CRYBG1: variants seen among roughly 807,000 people sequenced by gnomAD.
CRYBG1 encodes the protein crystallin beta-gamma domain containing 1, also known as beta/gamma crystallin domain-containing protein 1.
In CRYBG1, 139 loss-of-function variants were observed where a neutral mutation model predicts 189.2. The ratio of observed to expected loss-of-function variants is 0.73; its 90% CI spans 0.64 to 0.85. The LOEUF is 0.85. Ranked by LOEUF, CRYBG1 falls within the 40% of genes least tolerant of loss-of-function variation. The probability of loss-of-function intolerance (pLI) is 0.00; values close to 1 mark genes in which losing one functional copy is unlikely to be tolerated. For missense variants in CRYBG1, 2,611 were observed against 2,675.8 expected, an observed-to-expected ratio of 0.98 and a Z score of 0.53; for synonymous variants, 1,023 against 1,017.1, an observed-to-expected ratio of 1.01 and a Z score of -0.11.
chr6:106,515,294 T>G (rs1222817364), intron 3 of CRYBG1, among the ~76,000 whole-genome samples: 1 of 152,254 alleles, frequency 6.6e-6, no homozygotes, highest in East Asian at 1.9e-4. Flanking sequence ...GCCTTCCTTT[T>G]AATCAGTCTG....
chr6:106,513,620 A>G (rs1230331841), intron 3 of CRYBG1, among the ~76,000 whole-genome samples: 1 of 152,218 alleles, frequency 6.6e-6, no homozygotes, highest in Non-Finnish European at 1.5e-5. Context: ...GTCTGGTGAT[A>G]CTTTTGGACC....
intron 2 of CRYBG1, among the ~76,000 whole-genome samples, chr6:106,504,092 T>C (rs1055224484): frequency 2.0e-5 from 3 of 149,498 alleles, no homozygotes; most frequent in African/African-American, 4.9e-5. Context: ...TGTTACATTA[T>C]GTTGAAATGA....
At position 106,480,598 on chromosome 6, in the gene CRYBG1, C is replaced by T. The variant is rs547748791; in HGVS notation, c.312+28766C>T. Among the ~76,000 whole-genome samples the T allele has an allele frequency of 1.0e-3, 156 of 151,688 alleles. 1 individual carries two copies. Among genetic ancestry groups the T allele is most frequent in the South Asian group, 4.0e-3 (19 of 4,796 alleles). On this transcript the variant is annotated intron_variant, in intron 2 of 21. Coordinates refer to ENST00000633556, the MANE Select transcript of CRYBG1 (RefSeq NM_001371242.2). ...AGGAGAATCACTTGAACCCGGGAGG[C>T]GGAGGTTGCAGTGAGCTGAGATCGC...
chr6:106,377,944 G>A (rs1029182384), intron 1 of CRYBG1, among the ~76,000 whole-genome samples: 2 of 152,126 alleles, frequency 1.3e-5, no homozygotes, highest in Non-Finnish European at 2.9e-5. Context: ...TACAAATTAG[G>A]TGACTTTTAA....
At chr6:106,514,099 G>A (rs1055295831) in intron 3 of CRYBG1, among the ~76,000 whole-genome samples, 4 of 152,200 alleles carry the variant, frequency 2.6e-5, no homozygotes, top group Non-Finnish European at 2.9e-5. Flanking sequence ...AAGTGCTAGC[G>A]AGCAAGAAAT....
chr6:106,395,212 T>C (rs1020204499), intron 1 of CRYBG1, among the ~76,000 whole-genome samples: 1 of 151,720 alleles, frequency 6.6e-6, no homozygotes, highest in Non-Finnish European at 1.5e-5. Flanking sequence ...CTGGGCAACA[T>C]GGTAAAACTC....
intron 4 of CRYBG1, among the ~76,000 whole-genome samples, chr6:106,522,486 T>C (rs1395479747): frequency 6.6e-6 from 1 of 152,226 alleles, no homozygotes; most frequent in African/African-American, 2.4e-5. Flanking sequence ...TTTATCTCAC[T>C]TCAGAAGATG....
At chr6:106,527,726 T>C (rs1773774883) in intron 7 of CRYBG1, among the ~76,000 whole-genome samples, 1 of 152,224 alleles carries the variant, frequency 6.6e-6, no homozygotes, top group Admixed American at 6.5e-5. Flanking sequence ...CCAAATATAT[T>C]TTACCTGGTA....
chr6:106,460,237 C>T lies in CRYBG1; in HGVS notation c.312+8405C>T, dbSNP rs904903216. On this transcript the variant is annotated intron_variant, in intron 2 of 21. Transcript: ENST00000633556. ...TGATCTCCTGACCTCGTGATCCGCC[C>T]GCCTCTGCCTCCCAAAGTGCTGGGA... 3.3e-5 allele frequency among the ~76,000 whole-genome samples: 5 copies of T among 152,062 alleles called. No homozygotes were observed. In the South Asian group the frequency reaches 6.3e-4, roughly 19 times the overall value.
intron 4 of CRYBG1, among the ~76,000 whole-genome samples, chr6:106,524,591 T>C (rs1773690892): frequency 6.6e-6 from 1 of 152,158 alleles, no homozygotes; most frequent in Non-Finnish European, 1.5e-5. Flanking sequence ...TTAAATATAC[T>C]ATGTGCAATG....
rs112168862 is a variant in CRYBG1, at chr6:106,547,981, T to A, written c.5312+3048T>A. 2.8e-3 allele frequency among the ~76,000 whole-genome samples: 425 copies of A among 152,350 alleles called. 3 individuals are homozygous for A. The highest frequency in any genetic ancestry group is 9.8e-3 in the African/African-American group (409 of 41,578). On this transcript the variant is annotated intron_variant, in intron 13 of 21. Transcript: ENST00000633556. ...AAATGAAATATTTCTGGTATTCAGATGAAAACGAAAAGTGTTGTTGTTTTA... is the reference window on the plus strand; with the variant it reads ...AAATGAAATATTTCTGGTATTCAGAAGAAAACGAAAAGTGTTGTTGTTTTA...
rs1034072094 is a variant in CRYBG1, at chr6:106,360,892, G to C, written c.-17G>C. Reference sequence around the variant, plus strand: ...AGGACCGCGTCCCGGCAGTCGGAGCGGGAGGAGGACAAGACGATGCCGCTG... The same window carrying C: ...AGGACCGCGTCCCGGCAGTCGGAGCCGGAGGAGGACAAGACGATGCCGCTG... On this transcript the variant is annotated 5_prime_UTR_variant, in exon 1 of 22. Coordinates refer to ENST00000633556, the MANE Select transcript of CRYBG1 (RefSeq NM_001371242.2). 22 of 1,520,570 alleles carry C rather than the reference G, an allele frequency of 1.4e-5. No homozygotes were observed. Among genetic ancestry groups the C allele is most frequent in the Non-Finnish European group, 1.8e-5 (21 of 1,138,942 alleles). The allele number at this position is 1,520,570 out of a possible 1,614,324, so 94.2% of individuals were successfully genotyped here.
At position 106,487,671 on chromosome 6, in the gene CRYBG1, ATATC is replaced by A. The variant is rs61706182; in HGVS notation, c.313-23753_313-23750del. Reference sequence around the variant, plus strand: ...GATTTCTGTTTGGTTCTTTTTTATGATATCTATCTTTTTGTTGAATTTCTCATAC... The same window carrying A: ...GATTTCTGTTTGGTTCTTTTTTATGATATCTTTTTGTTGAATTTCTCATAC... On this transcript the variant is annotated intron_variant, in intron 2 of 21. Transcript: ENST00000633556. Among the ~76,000 whole-genome samples, 1,155 of 151,790 alleles carry A rather than the reference ATATC, an allele frequency of 7.6e-3. 15 individuals are homozygous for A. The highest frequency in any genetic ancestry group is 0.027 in the African/African-American group (1,115 of 41,358).
intron 1 of CRYBG1, among the ~76,000 whole-genome samples, chr6:106,434,400 G>T (rs1337756888): frequency 6.6e-5 from 10 of 152,156 alleles, no homozygotes; most frequent in Admixed American, 6.5e-4. Flanking sequence ...ATTTAAGACT[G>T]TGGGCAATTT....
rs1191194954 is a variant in CRYBG1 at position 106,542,545 on chromosome 6, G to C, written c.4882-895G>C. ...TCCTCCTGCCTTGGCCTCCCAAAGT[G>C]CTGGAATTACAGGTGTGAGCCACTG... On this transcript the variant is annotated intron_variant, in intron 10 of 21. Coordinates refer to ENST00000633556, the MANE Select transcript of CRYBG1 (RefSeq NM_001371242.2). 3.2e-4 allele frequency among the ~76,000 whole-genome samples: 48 copies of C among 150,670 alleles called. 1 individual carries two copies. Among genetic ancestry groups the C allele is most frequent in the Admixed American group, 3.2e-3 (48 of 15,146 alleles).
intron 1 of CRYBG1, among the ~76,000 whole-genome samples, chr6:106,366,383 G>A (rs1159512474): frequency 6.6e-6 from 1 of 152,184 alleles, no homozygotes; most frequent in Non-Finnish European, 1.5e-5. Flanking sequence ...TAATTTAAAA[G>A]TAAGTCTGCC....
At chr6:106,471,206 G>A (rs1772226905) in intron 2 of CRYBG1, among the ~76,000 whole-genome samples, 1 of 152,200 alleles carries the variant, frequency 6.6e-6, no homozygotes, top group Admixed American at 6.5e-5. Flanking sequence ...GGCTACCCAA[G>A]CTTGGTTTCT....
At chr6:106,561,632 G>T in intron 20 of CRYBG1, 132 bp downstream of exon 20, 1 of 1,162,524 alleles carries the variant, frequency 8.6e-7, no homozygotes, top group Non-Finnish European at 1.2e-6. Flanking sequence ...AAATGAATTT[G>T]TTTTTTTCAT....
intron 1 of CRYBG1, among the ~76,000 whole-genome samples, chr6:106,386,282 T>C (rs993895650): frequency 3.9e-5 from 6 of 152,216 alleles, no homozygotes; most frequent in Non-Finnish European, 8.8e-5. Context: ...TCCAGTGACA[T>C]TTGTTTTTTA....
Sources: gnomAD v4.1 joint callset for allele counts (sites outside exome capture counted in the v4.1 genomes callset) on GRCh38, gnomAD v4.1.1 for gene constraint, MANE v1.5 for transcripts, NCBI Gene and HGNC (gene_info 2026-07-23, HGNC 2026-07-21) for gene names.